UNC13C: variants seen among roughly 807,000 people sequenced by gnomAD.
UNC13C encodes the protein protein unc-13 homolog C.
In UNC13C, 174 loss-of-function variants were observed where a neutral mutation model predicts 245.4. The ratio of observed to expected loss-of-function variants is 0.71; its 90% confidence interval spans 0.63 to 0.80. The LOEUF (loss-of-function observed/expected upper bound fraction) is 0.80. UNC13C is among the 30% of genes least tolerant of loss of function. The pLI is 0.00. For synonymous variants in UNC13C, 992 were observed against 895.1 expected (o/e 1.11, Z -1.93); for missense variants, 2,829 against 2,602.9 (o/e 1.09, Z -1.89).
chr15:53,890,711 T>C, the UNC13C span, among the ~76,000 whole-genome samples: 1 of 151,984 alleles, frequency 6.6e-6, no homozygotes, highest in East Asian at 1.9e-4. Flanking sequence ...AGTGGTGATA[T>C]CCCTTTTATC....
intron 2 of UNC13C, among the ~76,000 whole-genome samples, chr15:54,081,008 G>A (rs1396614037): frequency 6.6e-6 from 1 of 151,880 alleles, no homozygotes; most frequent in East Asian, 1.9e-4. Flanking sequence ...TATGTTGTGT[G>A]TCTATTTTTG....
intron 18 of UNC13C, among the ~76,000 whole-genome samples, chr15:54,413,025 A>G (rs891555883): frequency 2.0e-5 from 3 of 152,174 alleles, no homozygotes; most frequent in Admixed American, 6.5e-5. Flanking sequence ...ATCTATTGAG[A>G]TGATCATAAA....
intron 14 of UNC13C, among the ~76,000 whole-genome samples, chr15:54,323,430 G>T (rs188688078): frequency 2.0e-5 from 3 of 151,972 alleles, no homozygotes; most frequent in Admixed American, 6.6e-5. Flanking sequence ...CAGTTTAGTC[G>T]TCTAAGCCTC....
At chr15:54,213,596 C>G (rs2034952248) in intron 4 of UNC13C, among the ~76,000 whole-genome samples, 1 of 152,012 alleles carries the variant, frequency 6.6e-6, no homozygotes, top group East Asian at 1.9e-4. Flanking sequence ...TGGGTACATT[C>G]ATGGGTTGCA....
Position 54,028,481 on chromosome 15 carries a change from T to C in UNC13C, c.2983+12595T>C, listed in dbSNP as rs544822350. ...AAATTGGCAAAACTAAAAATGTCTT[T>C]ATATAACTTTTAGAGTAAGGGCAAA... On this transcript the variant is annotated intron_variant, in intron 2 of 32. Transcript: ENST00000260323. Among the ~76,000 whole-genome samples the C allele has an allele frequency of 2.6e-5, 4 of 152,076 alleles. No homozygotes were observed. The South Asian group carries it at 8.3e-4, about 32-fold the overall frequency.
At chr15:54,023,322 GTCTT>G (rs1472046566) in intron 2 of UNC13C, among the ~76,000 whole-genome samples, 1 of 152,184 alleles carries the variant, frequency 6.6e-6, no homozygotes, top group Non-Finnish European at 1.5e-5. Context: ...ATGCAGGCCA[GTCTT>G]GTCATGAAAG....
chr15:54,605,811 T>C (rs1899737402), intron 30 of UNC13C, among the ~76,000 whole-genome samples: 1 of 152,210 alleles, frequency 6.6e-6, no homozygotes, highest in Non-Finnish European at 1.5e-5. Flanking sequence ...GCGAGCAATA[T>C]GCCATGAAGG....
In UNC13C at chr15:54,158,645, C is replaced by A. The variant is rs1181565577; in HGVS notation, c.3071+14961C>A. Among the ~76,000 whole-genome samples the A allele has an allele frequency of 4.0e-5, 6 of 150,980 alleles. No individual in the cohort carries two copies. The South Asian group carries it at 1.0e-3, about 26-fold the overall frequency. On this transcript the variant is annotated intron_variant, in intron 4 of 32. Transcript: ENST00000260323. ...ACTCTTTTTAATATTAGCTTTTTTT[C>A]TTTTTATTTTTTTTAAACTTTTTAG...
At chr15:54,166,709 TATAAA>T (rs1302051631) in intron 4 of UNC13C, among the ~76,000 whole-genome samples, 1 of 152,138 alleles carries the variant, frequency 6.6e-6, no homozygotes, top group Non-Finnish European at 1.5e-5. Context: ...AGCAAACAAT[TATAAA>T]ATGAAATTTT....
chr15:54,119,725 A>G (rs78356965), intron 2 of UNC13C, among the ~76,000 whole-genome samples: 4,424 of 152,286 alleles, frequency 0.029, 219 homozygotes, highest in African/African-American at 0.1. Flanking sequence ...TGTATAAGGA[A>G]AAGTTCTTGA....
In UNC13C at chr15:54,048,176, G is replaced by T. The variant is rs567603378; in HGVS notation, c.2983+32290G>T. ...AACTTCTTAAATATAAGCATGGCAT[G>T]TAGGGCTTTAGACCCATACTCTTAC... On this transcript the variant is annotated intron_variant, in intron 2 of 32. Transcript: ENST00000260323. Among the ~76,000 whole-genome samples the T allele has an allele frequency of 3.7e-4, 57 of 152,244 alleles. No individual in the cohort carries two copies. In the South Asian group the frequency reaches 9.7e-3, roughly 26 times the overall value.
At chr15:54,626,110 G>C (rs1054798498) in intron 32 of UNC13C, among the ~76,000 whole-genome samples, 13 of 152,138 alleles carry the variant, frequency 8.5e-5, no homozygotes, top group African/African-American at 2.7e-4. Context: ...AAGAATATGA[G>C]AATGAACAAA....
In UNC13C at chr15:54,152,483, A is replaced by C. The variant is rs530512055; in HGVS notation, c.3071+8799A>C. 6.0e-4 allele frequency among the ~76,000 whole-genome samples: 92 copies of C among 152,320 alleles called. 1 individual carries two copies. The South Asian group carries it at 0.018, about 31-fold the overall frequency. ...CTTGACCCCTAAGTCTCTAGGGCTT[A>C]AATTTATGAGGAAATTAATGAATCT... On this transcript the variant is annotated intron_variant, in intron 4 of 32. Coordinates refer to ENST00000260323, the MANE Select transcript of UNC13C (RefSeq NM_001080534.3).
chr15:54,495,913 G>A (rs750778153), intron 20 of UNC13C, among the ~76,000 whole-genome samples: 11 of 152,008 alleles, frequency 7.2e-5, no homozygotes, highest in East Asian at 1.9e-4. Flanking sequence ...TAAAAATGCC[G>A]TACTATGGGG....
chr15:54,067,393 T>A (rs1898124503), intron 2 of UNC13C, among the ~76,000 whole-genome samples: 1 of 152,196 alleles, frequency 6.6e-6, no homozygotes, highest in South Asian at 2.1e-4. Context: ...TAACATCTTA[T>A]GTTATAAAAA....
intron 4 of UNC13C, among the ~76,000 whole-genome samples, chr15:54,186,215 A>G (rs1478475160): frequency 6.6e-6 from 1 of 152,132 alleles, no homozygotes; most frequent in East Asian, 1.9e-4. Context: ...GTCATCTGCA[A>G]ACAGGGACAA....
chr15:54,223,846 C>A (rs1286142080), intron 4 of UNC13C, among the ~76,000 whole-genome samples: 1 of 151,908 alleles, frequency 6.6e-6, no homozygotes, highest in Admixed American at 6.6e-5. Context: ...TTATAAAGAT[C>A]TTTCACTTAT....
chr15:54,600,949 C>A (rs558106625), intron 30 of UNC13C, among the ~76,000 whole-genome samples: 1 of 151,930 alleles, frequency 6.6e-6, no homozygotes, highest in East Asian at 1.9e-4. Context: ...TGTCTTAGGT[C>A]ACACATGAAA....
intron 18 of UNC13C, among the ~76,000 whole-genome samples, chr15:54,408,970 G>T (rs1283152283): frequency 6.6e-6 from 1 of 152,140 alleles, no homozygotes; most frequent in African/African-American, 2.4e-5. Context: ...TGCAGCCAAT[G>T]AGGGGACTCC....
Sources: gnomAD v4.1 joint callset for allele counts (sites outside exome capture counted in the v4.1 genomes callset) on GRCh38, gnomAD v4.1.1 for gene constraint, MANE v1.5 for transcripts, NCBI Gene and HGNC (gene_info 2026-07-23, HGNC 2026-07-21) for gene names.